ZMYND11: variants seen among roughly 807,000 people sequenced by gnomAD.
ZMYND11 encodes the protein zinc finger MYND-type containing 11, also known as zinc finger MYND domain-containing protein 11.
ZMYND11 carries 9 observed loss-of-function variants against 84.9 expected under a neutral mutation model. The observed-to-expected ratio is 0.11, with a 90% confidence interval of 0.06 to 0.18. The LOEUF (loss-of-function observed/expected upper bound fraction) is 0.18, where lower values mean the gene tolerates loss of function less well. Among genes scored for constraint, ZMYND11 ranks in the 10% least tolerant of loss-of-function variants. The pLI, the probability that ZMYND11 is intolerant of heterozygous loss-of-function variation, is 1.00. For missense variants in ZMYND11, 409 were observed against 761.0 expected, an observed-to-expected ratio of 0.54 and a Z score of 5.44; for synonymous variants, 250 against 244.1, an observed-to-expected ratio of 1.02 and a Z score of -0.23.
intron 1 of ZMYND11, among the ~76,000 whole-genome samples, chr10:160,866 C>T (rs1455638166): frequency 4.6e-5 from 7 of 151,754 alleles, no homozygotes; most frequent in African/African-American, 1.7e-4. Flanking sequence ...TTAATTTGCC[C>T]GGATCCATCA....
chr10:156,147 G>C (rs1162853549), intron 1 of ZMYND11, among the ~76,000 whole-genome samples: 1 of 152,150 alleles, frequency 6.6e-6, no homozygotes, highest in Non-Finnish European at 1.5e-5. Context: ...TAAAGGCCAG[G>C]GATGCTGCTG....
chr10:186,454 A>G (rs1196244508), intron 2 of ZMYND11, among the ~76,000 whole-genome samples: 1 of 151,866 alleles, frequency 6.6e-6, no homozygotes, highest in African/African-American at 2.4e-5. Flanking sequence ...TAGCCTGGCC[A>G]ACATAGTGAA....
At chr10:198,596 C>T (rs925235794) in intron 2 of ZMYND11, among the ~76,000 whole-genome samples, 20 of 152,028 alleles carry the variant, frequency 1.3e-4, no homozygotes, top group African/African-American at 3.9e-4. Context: ...GTTATGAAAA[C>T]TAAAATATTT....
intron 4 of ZMYND11, among the ~76,000 whole-genome samples, chr10:235,625 T>G (rs1193355405): frequency 4.6e-5 from 7 of 152,132 alleles, no homozygotes; most frequent in Non-Finnish European, 1.0e-4. Flanking sequence ...GTATAAAAGT[T>G]TAGTCCATAT....
chr10:136,723 T>C (rs1206874625), intron 1 of ZMYND11, among the ~76,000 whole-genome samples: 3 of 152,082 alleles, frequency 2.0e-5, no homozygotes, highest in African/African-American at 7.2e-5. Context: ...ATATATGCGG[T>C]GTGTATAGTA....
At chr10:201,486 G>A (rs1408915212) in intron 2 of ZMYND11, among the ~76,000 whole-genome samples, 14 of 151,922 alleles carry the variant, frequency 9.2e-5, no homozygotes. Flanking sequence ...ATCATTGTTA[G>A]AAGGCTTAAA....
intron 2 of ZMYND11, among the ~76,000 whole-genome samples, chr10:187,589 G>A (rs1479059788): frequency 2.0e-5 from 3 of 150,840 alleles, no homozygotes; most frequent in Non-Finnish European, 4.4e-5. Flanking sequence ...AGCCGAGATT[G>A]CGCCACTGCA....
At position 142,303 on chromosome 10, in the gene ZMYND11, C is replaced by T. The variant is rs574678926; in HGVS notation, c.-20+6744C>T. Among the ~76,000 whole-genome samples, 175 of 152,212 alleles carry T rather than the reference C, an allele frequency of 1.1e-3. 1 individual carries two copies. The highest frequency in any genetic ancestry group is 2.0e-3 in the Non-Finnish European group (135 of 68,016). On this transcript the variant is annotated intron_variant, in intron 1 of 14. Coordinates refer to ENST00000381604, the MANE Select transcript of ZMYND11 (RefSeq NM_001370100.5). Reference sequence around the variant, plus strand: ...TGATGGGGTTTCACCATGTTACCCACGCTGGTCCCAAACTCCTGAGCTCAA... The same window carrying T: ...TGATGGGGTTTCACCATGTTACCCATGCTGGTCCCAAACTCCTGAGCTCAA...
intron 3 of ZMYND11, among the ~76,000 whole-genome samples, chr10:220,401 T>G (rs1946944965): frequency 6.6e-6 from 1 of 152,134 alleles, no homozygotes; most frequent in African/African-American, 2.4e-5. Flanking sequence ...TTAAGAGAAC[T>G]TCTAACACTT....
At chr10:207,052 T>C (rs1446387890) in intron 2 of ZMYND11, among the ~76,000 whole-genome samples, 2 of 152,160 alleles carry the variant, frequency 1.3e-5, no homozygotes, top group African/African-American at 4.8e-5. Context: ...TGTGTTCTCA[T>C]TGTTCAATTC....
At chr10:241,042 TTA>T (rs1950810078) in intron 9 of ZMYND11, 72 bp downstream of exon 9, 1 of 1,253,594 alleles carries the variant, frequency 8.0e-7, no homozygotes, top group Non-Finnish European at 1.1e-6. Context: ...TGGTTAAAGA[TTA>T]TAATTTTCTT....
At chr10:180,215 A>T in intron 2 of ZMYND11, 87 bp downstream of exon 2, 1 of 922,680 alleles carries the variant, frequency 1.1e-6, no homozygotes, top group Non-Finnish European at 1.7e-6. Context: ...CTGTTATGCT[A>T]ATCAACATAT....
intron 1 of ZMYND11, among the ~76,000 whole-genome samples, chr10:154,666 G>C (rs1841271644): frequency 2.0e-5 from 3 of 152,132 alleles, no homozygotes; most frequent in Non-Finnish European, 4.4e-5. Flanking sequence ...CAAATAATGA[G>C]AATCGATGTA....
intron 9 of ZMYND11, 131 bp from the exon 10 acceptor site, chr10:241,890 G>C: frequency 1.8e-6 from 2 of 1,132,898 alleles, no homozygotes; most frequent in Admixed American, 2.3e-5. Flanking sequence ...AAAAAATCTC[G>C]TATGTGTTTA....
At chr10:188,609 A>T (rs1297500494) in intron 2 of ZMYND11, among the ~76,000 whole-genome samples, 1 of 148,710 alleles carries the variant, frequency 6.7e-6, no homozygotes, top group Non-Finnish European at 1.5e-5. Context: ...AAAAAAAAAA[A>T]ATTTCCCAGT....
intron 9 of ZMYND11, 83 bp from the exon 10 acceptor site, chr10:241,937 AT>A: frequency 6.8e-7 from 1 of 1,473,048 alleles, no homozygotes; most frequent in Middle Eastern, 1.9e-4. Flanking sequence ...ATAATGGATT[AT>A]ATGTGACTAG....
chr10:184,976 C>T (rs757937981), intron 2 of ZMYND11, among the ~76,000 whole-genome samples: 37 of 151,714 alleles, frequency 2.4e-4, no homozygotes, highest in Non-Finnish European at 4.0e-4. Flanking sequence ...TACTTTTATT[C>T]GTAGCCTTTC....
At chr10:173,776 A>G (rs1239254304) in intron 1 of ZMYND11, among the ~76,000 whole-genome samples, 5 of 152,162 alleles carry the variant, frequency 3.3e-5, no homozygotes, top group African/African-American at 1.2e-4. Flanking sequence ...CCAAAGAAAT[A>G]CAGATGACAC....
At chr10:201,987 T>G (rs193138354) in intron 2 of ZMYND11, among the ~76,000 whole-genome samples, 18 of 152,316 alleles carry the variant, frequency 1.2e-4, no homozygotes, top group Admixed American at 1.1e-3. Context: ...TGTTATAGAT[T>G]AAGCAGTTAT....
Sources: allele counts gnomAD v4.1 joint callset (sites outside exome capture counted in the v4.1 genomes callset), GRCh38; gene constraint gnomAD v4.1.1; transcripts MANE v1.5; gene names NCBI Gene and HGNC (gene_info 2026-07-23, HGNC 2026-07-21).